LINGO2: variants seen among roughly 807,000 people sequenced by gnomAD.
LINGO2 encodes the protein leucine rich repeat and Ig domain containing 2.
LINGO2 carries 14 observed loss-of-function variants against 30.6 expected under a neutral mutation model. The ratio of observed to expected loss-of-function variants is 0.46; its 90% confidence interval spans 0.30 to 0.72. The LOEUF (loss-of-function observed/expected upper bound fraction) is 0.72, where lower values mean the gene tolerates loss of function less well. Ranked by LOEUF, LINGO2 falls within the 30% of genes least tolerant of loss-of-function variation. The pLI, the probability that LINGO2 is intolerant of heterozygous loss-of-function variation, is 0.07. For missense variants in LINGO2, 729 were observed against 751.7 expected, an observed-to-expected ratio of 0.97 and a Z score of 0.35; for synonymous variants, 317 against 288.5, an observed-to-expected ratio of 1.10 and a Z score of -1.00.
intron 4 of LINGO2, among the ~76,000 whole-genome samples, chr9:28,182,812 T>C (rs1007440753): frequency 6.6e-6 from 1 of 152,178 alleles, no homozygotes; most frequent in Non-Finnish European, 1.5e-5. Context: ...AAACAACAGA[T>C]GCTGGCGAGG....
intron 4 of LINGO2, among the ~76,000 whole-genome samples, chr9:28,214,978 T>C (rs1321692599): frequency 6.6e-6 from 1 of 151,750 alleles, no homozygotes; most frequent in African/African-American, 2.4e-5. Flanking sequence ...CTGTACATCC[T>C]TCTTGTTTTT....
the LINGO2 span, among the ~76,000 whole-genome samples, chr9:28,911,243 T>A: frequency 6.6e-5 from 10 of 152,194 alleles, no homozygotes; most frequent in South Asian, 1.2e-3. Flanking sequence ...ACAATTTTTT[T>A]AAATTCTCCA....
At chr9:28,172,982 A>G (rs559880195) in intron 4 of LINGO2, among the ~76,000 whole-genome samples, 1 of 152,272 alleles carries the variant, frequency 6.6e-6, no homozygotes, top group South Asian at 2.1e-4. Flanking sequence ...TGTTGAAACT[A>G]TTCTCTCTGA....
the LINGO2 span, among the ~76,000 whole-genome samples, chr9:28,818,274 C>CG: frequency 6.6e-6 from 1 of 152,138 alleles, no homozygotes; most frequent in African/African-American, 2.4e-5. Flanking sequence ...TTCTAAAGTA[C>CG]GGGTCCTAGA....
the LINGO2 span, among the ~76,000 whole-genome samples, chr9:29,065,738 T>G: frequency 4.6e-5 from 7 of 151,966 alleles, no homozygotes; most frequent in Non-Finnish European, 7.4e-5. Context: ...TAAGAGCTCA[T>G]ATGAATATGC....
intron 1 of LINGO2, among the ~76,000 whole-genome samples, chr9:28,563,243 G>C (rs568783130): frequency 2.0e-5 from 3 of 152,152 alleles, no homozygotes; most frequent in African/African-American, 7.2e-5. Context: ...AAAGGGAAGA[G>C]CCAGGAATTA....
chr9:28,434,729 C>G (rs1823853105), intron 2 of LINGO2, among the ~76,000 whole-genome samples: 1 of 152,024 alleles, frequency 6.6e-6, no homozygotes, highest in Non-Finnish European at 1.5e-5. Flanking sequence ...ATGAATATTT[C>G]TCTTTTGTTT....
the LINGO2 span, among the ~76,000 whole-genome samples, chr9:28,747,371 C>T: frequency 6.6e-6 from 1 of 152,128 alleles, no homozygotes; most frequent in East Asian, 1.9e-4. Flanking sequence ...CTCCACCACT[C>T]AATAAAACCC....
At chr9:29,131,870 G>T in the LINGO2 span, among the ~76,000 whole-genome samples, 24 of 151,176 alleles carry the variant, frequency 1.6e-4, no homozygotes, top group Non-Finnish European at 3.1e-4. Context: ...CACTAGCTGG[G>T]TTCACATTTT....
the LINGO2 span, among the ~76,000 whole-genome samples, chr9:28,823,253 G>A: frequency 2.0e-5 from 3 of 152,124 alleles, no homozygotes; most frequent in Non-Finnish European, 4.4e-5. Flanking sequence ...TAAATAAAAG[G>A]ATATATTATG....
chr9:28,928,225 T>A, the LINGO2 span, among the ~76,000 whole-genome samples: 3 of 152,234 alleles, frequency 2.0e-5, no homozygotes, highest in Admixed American at 2.0e-4. Flanking sequence ...AAAACCCTTT[T>A]ATATAACTAA....
At chr9:28,585,066 A>C (rs1824460412) in intron 1 of LINGO2, among the ~76,000 whole-genome samples, 1 of 152,050 alleles carries the variant, frequency 6.6e-6, no homozygotes, top group African/African-American at 2.4e-5. Flanking sequence ...TGTTAAAAAG[A>C]GGCGAGTCAT....
At chr9:28,638,699 T>A (rs1827413447) in intron 1 of LINGO2, among the ~76,000 whole-genome samples, 1 of 152,046 alleles carries the variant, frequency 6.6e-6, no homozygotes, top group Admixed American at 6.6e-5. Flanking sequence ...ATCTATTTGA[T>A]CCTTCACTCT....
At chr9:28,177,922 C>T (rs1005320418) in intron 4 of LINGO2, among the ~76,000 whole-genome samples, 2 of 152,178 alleles carry the variant, frequency 1.3e-5, no homozygotes, top group East Asian at 1.9e-4. Context: ...ATCAAATACT[C>T]TTTACATTTT....
chr9:28,363,062 G>A (rs1820515728), intron 3 of LINGO2, among the ~76,000 whole-genome samples: 1 of 151,998 alleles, frequency 6.6e-6, no homozygotes, highest in Non-Finnish European at 1.5e-5. Context: ...AGTATCTACG[G>A]CAGGCCAAAA....
chr9:28,246,885 A>T (rs533475226), intron 4 of LINGO2, among the ~76,000 whole-genome samples: 1 of 152,206 alleles, frequency 6.6e-6, no homozygotes, highest in Non-Finnish European at 1.5e-5. Flanking sequence ...AGAATTTACA[A>T]GAAACTAAAA....
At chr9:29,147,249 C>T in the LINGO2 span, among the ~76,000 whole-genome samples, 3 of 151,964 alleles carry the variant, frequency 2.0e-5, no homozygotes, top group South Asian at 6.2e-4. Flanking sequence ...TCAAAGCAAC[C>T]TGTGAGACCT....
In LINGO2 at chr9:28,632,879, T is replaced by TAGAGA. The variant is rs1563879215; in HGVS notation, c.-365+37320_-365+37321insTCTCT. On this transcript the variant is annotated intron_variant, in intron 1 of 5. Transcript: ENST00000379992. ...TTTTATATATATATATATATATATA[T>TAGAGA]GTAGAGAGAGAGAGAGAGAGAGAGA... Among the ~76,000 whole-genome samples, 9 of 80,834 alleles carry TAGAGA rather than the reference T, an allele frequency of 1.1e-4. 1 individual carries two copies. The highest frequency in any genetic ancestry group is 4.2e-4 in the African/African-American group (8 of 18,946). The allele number at this position is 80,834 out of a possible 152,430, so 53.0% of individuals were successfully genotyped here.
At chr9:28,432,506 T>C (rs931548811) in intron 2 of LINGO2, among the ~76,000 whole-genome samples, 1 of 152,062 alleles carries the variant, frequency 6.6e-6, no homozygotes, top group Non-Finnish European at 1.5e-5. Flanking sequence ...TCCCTGTTAT[T>C]GCTCAGAGTG....
Sources: gnomAD v4.1 joint callset for allele counts (sites outside exome capture counted in the v4.1 genomes callset) on GRCh38, gnomAD v4.1.1 for gene constraint, MANE v1.5 for transcripts, NCBI Gene and HGNC (gene_info 2026-07-23, HGNC 2026-07-21) for gene names.